The following SGMS2 variants were observed in gnomAD, a reference collection of about 807,000 sequenced individuals.
SGMS2 encodes phosphatidylcholine:ceramide cholinephosphotransferase 2.
SGMS2 carries 21 observed loss-of-function variants against 43.8 expected under a neutral mutation model. The observed-to-expected ratio is 0.48, with a 90% CI of 0.34 to 0.69. The LOEUF (loss-of-function observed/expected upper bound fraction) is 0.69, where lower values mean the gene tolerates loss of function less well. SGMS2 is among the 30% of genes least tolerant of loss of function. SGMS2 has a pLI of 0.01. For missense variants in SGMS2, 384 were observed against 443.2 expected (o/e 0.87, Z 1.20); for synonymous variants, 167 against 160.6 (o/e 1.04, Z -0.30).
chr4:107,883,147 A>G (rs1729489920), intron 2 of SGMS2, among the ~76,000 whole-genome samples: 1 of 152,192 alleles, frequency 6.6e-6, no homozygotes, highest in Admixed American at 6.5e-5. Context: ...TAGCCTCTGC[A>G]GCTGCCGTCA....
chr4:107,859,726 C>A (rs768720115), intron 2 of SGMS2, among the ~76,000 whole-genome samples: 40 of 152,126 alleles, frequency 2.6e-4, no homozygotes, highest in Non-Finnish European at 4.6e-4. Flanking sequence ...GCCAACAAAC[C>A]AGAGCAGGGA....
chr4:107,824,819 G>C (rs1312108920), upstream of SGMS2: 1 of 152,246 alleles, frequency 6.6e-6, no homozygotes, highest in Non-Finnish European at 1.5e-5. Context: ...GAAATGGAGT[G>C]GGCGGGCGAG....
rs138523352 is a variant in SGMS2 at position 107,848,712 on chromosome 4, A to T, written c.-326-9760A>T. 5.7e-3 allele frequency among the ~76,000 whole-genome samples: 864 copies of T among 152,252 alleles called. 8 individuals carry two copies. The highest frequency in any genetic ancestry group is 0.02 in the African/African-American group (828 of 41,564). On this transcript the variant is annotated intron_variant, in intron 1 of 6. Transcript: ENST00000690982. ...TTTTGTCATCTATATGTCTTGTTTG[A>T]TGAGGCATCTGTTCAGATATTTTGC...
Position 107,870,187 on chromosome 4 carries a change from G to GGAT in SGMS2, c.-245+11635_-245+11637dup, listed in dbSNP as rs1728459503. Among the ~76,000 whole-genome samples the GGAT allele has an allele frequency of 2.0e-5, 3 of 152,136 alleles. No individual in the cohort carries two copies. The South Asian group carries it at 6.2e-4, about 31-fold the overall frequency. Reference sequence around the variant, plus strand: ...TCTTGTATGTAGCTTTTTAGTGGATGGATTGGATCCATTTAAAAATTGTTG... The same window carrying GGAT: ...TCTTGTATGTAGCTTTTTAGTGGATGGATGATTGGATCCATTTAAAAATTGTTG... On this transcript the variant is annotated intron_variant, in intron 2 of 6. Coordinates refer to ENST00000690982, the MANE Select transcript of SGMS2 (RefSeq NM_001375905.1).
intron 1 of SGMS2, among the ~76,000 whole-genome samples, chr4:107,826,019 C>G (rs1725569853): frequency 6.6e-6 from 1 of 152,120 alleles, no homozygotes; most frequent in Non-Finnish European, 1.5e-5. Context: ...CAATCTGTAC[C>G]TAACTTTTCA....
chr4:107,863,137 G>A (rs1007569985), intron 2 of SGMS2, among the ~76,000 whole-genome samples: 1 of 152,154 alleles, frequency 6.6e-6, no homozygotes, highest in African/African-American at 2.4e-5. Flanking sequence ...TCACCAGGAT[G>A]GAAATCCATT....
intron 2 of SGMS2, among the ~76,000 whole-genome samples, chr4:107,880,154 A>C (rs1004597029): frequency 1.3e-5 from 2 of 152,176 alleles, no homozygotes; most frequent in African/African-American, 4.8e-5. Context: ...CTAATTTTTC[A>C]ATTATATCTT....
chr4:107,853,149 A>G (rs1298162757), intron 1 of SGMS2, among the ~76,000 whole-genome samples: 2 of 152,158 alleles, frequency 1.3e-5, no homozygotes, highest in Admixed American at 1.3e-4. Context: ...GTGTCATGAA[A>G]GAAAGAACAA....
At chr4:107,853,000 TTTA>T (rs1182946578) in intron 1 of SGMS2, among the ~76,000 whole-genome samples, 1 of 152,162 alleles carries the variant, frequency 6.6e-6, no homozygotes, top group Non-Finnish European at 1.5e-5. Context: ...AGTATAAGAG[TTTA>T]TTTTCTTTTA....
chr4:107,831,820 A>G (rs1356034722), intron 1 of SGMS2, among the ~76,000 whole-genome samples: 1 of 152,220 alleles, frequency 6.6e-6, no homozygotes, highest in African/African-American at 2.4e-5. Context: ...AACTTTCATA[A>G]GAAGTGTATA....
chr4:107,826,335 C>T (rs566752281), intron 1 of SGMS2, among the ~76,000 whole-genome samples: 2 of 152,200 alleles, frequency 1.3e-5, no homozygotes, highest in Non-Finnish European at 2.9e-5. Context: ...CGAGGGTTAG[C>T]ATGTGAAATC....
At chr4:107,825,623 T>G (rs1725542860) in intron 1 of SGMS2, among the ~76,000 whole-genome samples, 1 of 128,852 alleles carries the variant, frequency 7.8e-6, no homozygotes, top group African/African-American at 2.7e-5. Context: ...TCTTTCTCTT[T>G]TTTTTTTTTT....
intron 2 of SGMS2, chr4:107,867,451 T>C (rs1005251194): frequency 6.6e-6 from 1 of 152,214 alleles, no homozygotes; most frequent in Non-Finnish European, 1.5e-5. Flanking sequence ...TCTTCTGACA[T>C]AGCAGGGCTG....
chr4:107,842,124 G>A (rs577259566), intron 1 of SGMS2, among the ~76,000 whole-genome samples: 1 of 152,242 alleles, frequency 6.6e-6, no homozygotes, highest in Admixed American at 6.5e-5. Flanking sequence ...GCTGTAGTCT[G>A]TATCTTCTGC....
At chr4:107,849,385 A>T (rs1289239277) in intron 1 of SGMS2, among the ~76,000 whole-genome samples, 1 of 152,156 alleles carries the variant, frequency 6.6e-6, no homozygotes, top group Non-Finnish European at 1.5e-5. Flanking sequence ...GTGACTGAGG[A>T]ACTGAATTTT....
chr4:107,829,479 G>A (rs887079378), intron 1 of SGMS2, among the ~76,000 whole-genome samples: 1 of 152,124 alleles, frequency 6.6e-6, no homozygotes, highest in Non-Finnish European at 1.5e-5. Context: ...ACAATGACTT[G>A]TAATTCAAAG....
intron 1 of SGMS2, among the ~76,000 whole-genome samples, chr4:107,829,637 C>T (rs549452298): frequency 1.5e-4 from 23 of 152,320 alleles, no homozygotes; most frequent in East Asian, 3.9e-4. Context: ...ATTGATATCT[C>T]GCTTAAAGCT....
chr4:107,837,060 C>G (rs1329751042), intron 1 of SGMS2, among the ~76,000 whole-genome samples: 1 of 152,198 alleles, frequency 6.6e-6, no homozygotes, highest in African/African-American at 2.4e-5. Flanking sequence ...TGCTGAGATG[C>G]AGTCCCAAGC....
chr4:107,851,039 C>T (rs999382779), intron 1 of SGMS2, among the ~76,000 whole-genome samples: 4 of 152,226 alleles, frequency 2.6e-5, no homozygotes, highest in South Asian at 2.1e-4. Context: ...TCTTAACTCC[C>T]GTTTTGTTCT....
Sources: gnomAD v4.1 joint callset for allele counts (sites outside exome capture counted in the v4.1 genomes callset) on GRCh38, gnomAD v4.1.1 for gene constraint, MANE v1.5 for transcripts, NCBI Gene and HGNC (gene_info 2026-07-23, HGNC 2026-07-21) for gene names.